Variants in TIE1 observed in about 807,000 individuals in gnomAD.
The protein encoded by TIE1 is tyrosine kinase with immunoglobulin like and EGF like domains 1, also known as tyrosine-protein kinase receptor Tie-1.
Under a neutral mutation model 130.5 loss-of-function variants are expected in TIE1, and 89 were observed. The ratio of observed to expected loss-of-function variants is 0.68; its 90% CI spans 0.57 to 0.81. TIE1 has a LOEUF of 0.81. TIE1 is among the 40% of genes least tolerant of loss of function. The probability of loss-of-function intolerance (pLI) is 0.00; values close to 1 mark genes in which losing one functional copy is unlikely to be tolerated. For synonymous variants in TIE1, 568 were observed against 629.4 expected, an observed-to-expected ratio of 0.90 and a Z score of 1.46; for missense variants, 1,392 against 1,559.8, an observed-to-expected ratio of 0.89 and a Z score of 1.81.
chr1:43,319,757 G>C lies in TIE1; in HGVS notation c.3107+228G>C. 1 of 568,788 alleles carries C rather than the reference G, an allele frequency of 1.8e-6. No homozygotes were observed. Among genetic ancestry groups the C allele is most frequent in the Non-Finnish European group, 3.2e-6 (1 of 316,328 alleles). 35.2% of individuals were successfully genotyped at this position (568,788 alleles called of 1,614,324 possible). On this transcript the variant is annotated intron_variant, in intron 19 of 22. Coordinates refer to ENST00000372476, the MANE Select transcript of TIE1 (RefSeq NM_005424.5). The surrounding 1 kb of genome is among the most constrained non-coding windows in gnomAD (Gnocchi z 4.7). ...TAGGACTGGGGTAAAGGTAGTTTCG[G>C]ATTATGTTTGTGTAAGTGACGGGGG...
Position 43,313,723 on chromosome 1 carries a change from CT to C in TIE1, c.2219-54del, listed in dbSNP as rs765013461. On this transcript the variant is annotated intron_variant, in intron 13 of 22. Coordinates refer to ENST00000372476, the MANE Select transcript of TIE1 (RefSeq NM_005424.5). This position sits in a 1 kb window ranked among gnomAD's most constrained non-coding sequence, Gnocchi z 6.2. Reference sequence around the variant, plus strand: ...TCCCTCTGTGTAACCCCATGGTGGCCTCTGGGTTCCCTGACCCAGGTGTCCC... The same window carrying C: ...TCCCTCTGTGTAACCCCATGGTGGCCCTGGGTTCCCTGACCCAGGTGTCCC... 4.2e-5 allele frequency: 64 copies of C among 1,540,726 alleles called. No individual in the cohort carries two copies. Among genetic ancestry groups the C allele is most frequent in the Non-Finnish European group, 5.6e-5 (64 of 1,139,752 alleles).
Position 43,307,746 on chromosome 1 carries a change from T to C in TIE1, c.914-50T>C. The C allele has an allele frequency of 1.9e-6, 3 of 1,610,544 alleles. No homozygotes were observed. The highest frequency in any genetic ancestry group is 2.5e-6 in the Non-Finnish European group (3 of 1,177,400). On this transcript the variant is annotated intron_variant, in intron 6 of 22. Coordinates refer to ENST00000372476, the MANE Select transcript of TIE1 (RefSeq NM_005424.5). The surrounding 1 kb of genome is among the most constrained non-coding windows in gnomAD (Gnocchi z 5.4). ...CCCATCTGCGCCCTCATCTGTGCCCTCATTGCCCCCTGTCCCATGCCCCTC... is the reference window on the plus strand; with the variant it reads ...CCCATCTGCGCCCTCATCTGTGCCCCCATTGCCCCCTGTCCCATGCCCCTC...
rs1218585735 is a variant in TIE1 at position 43,316,917 on chromosome 1, T to C, written c.2410-282T>C. ...TTACCCACAAGCCCTGGTTCTGCCT[T>C]CCAGAGTCCCGTACACTAGATCCCC... On this transcript the variant is annotated intron_variant, in intron 14 of 22. Transcript: ENST00000372476. The surrounding 1 kb of genome is among the most constrained non-coding windows in gnomAD (Gnocchi z 4.4). 6.6e-6 allele frequency among the ~76,000 whole-genome samples: 1 copy of C among 152,222 alleles called. No individual in the cohort carries two copies. The highest frequency in any genetic ancestry group is 1.5e-5 in the Non-Finnish European group (1 of 68,040).
chr1:43,313,400 A>G lies in TIE1; in HGVS notation c.2193A>G (p.Thr731=). The stretch of plus-strand genomic sequence containing the variant: ...AGGGGCTCGGGGACTGGAGCAACAC[A>G]GTAGAAGAGTCCACCCTGGGCAACG... ...SIQGLGDWSN[T]VEESTLGNGL... is the part of the protein sequence containing the mutation. The change falls in exon 13 of 23, where the codon ACA becomes ACG. Residue 731 remains threonine, a synonymous_variant. Coordinates refer to ENST00000372476, the MANE Select transcript of TIE1 (RefSeq NM_005424.5). This position sits in a 1 kb window ranked among gnomAD's most constrained non-coding sequence, Gnocchi z 6.2. The G allele has an allele frequency of 1.2e-6, 2 of 1,613,948 alleles. No individual in the cohort carries two copies. The highest frequency in any genetic ancestry group is 2.7e-5 in the African/African-American group (2 of 75,000).
rs748363135 is a variant in TIE1 at position 43,317,712 on chromosome 1, C to T, written c.2731+38C>T. On this transcript the variant is annotated intron_variant, in intron 16 of 22. Coordinates refer to ENST00000372476, the MANE Select transcript of TIE1 (RefSeq NM_005424.5). The surrounding 1 kb of genome is among the most constrained non-coding windows in gnomAD (Gnocchi z 5.1). ...CTCATCACCTACCCCTTCTTCCAAA[C>T]CCCCATCCTCAGCCATCACCTCCAC... 46 of 1,531,930 alleles carry T rather than the reference C, an allele frequency of 3.0e-5. No homozygotes were observed. Among genetic ancestry groups the T allele is most frequent in the African/African-American group, 8.2e-5 (6 of 72,792 alleles). The allele number at this position is 1,531,930 out of a possible 1,614,324, so 94.9% of individuals were successfully genotyped here.
chr1:43,321,353 C>T, intron 20 of TIE1, 43 bp from the exon 21 acceptor site: 1 of 1,613,552 alleles, frequency 6.2e-7, no homozygotes, highest in Non-Finnish European at 8.5e-7. Flanking sequence ...CACCTTACCC[C>T]ACGTGGAGCC....
chr1:43,304,640 C>T (rs988423794), intron 1 of TIE1, among the ~76,000 whole-genome samples: 13 of 151,244 alleles, frequency 8.6e-5, no homozygotes, highest in Non-Finnish European at 1.2e-4. Flanking sequence ...GGCCAGTGCG[C>T]ATGGAAGGGG....
chr1:43,307,345 G>A lies in TIE1; in HGVS notation c.772+72G>A. 6.2e-7 allele frequency: 1 copy of A among 1,611,782 alleles called. No homozygotes were observed. Among genetic ancestry groups the A allele is most frequent in the Non-Finnish European group, 8.5e-7 (1 of 1,178,444 alleles). The stretch of plus-strand genomic sequence containing the variant: ...TGGGAGAAGACCCTAGAACCATGTG[G>A]GTGGAGCTTGGAGGGTAAGGGCGAC... On this transcript the variant is annotated intron_variant, in intron 5 of 22. Transcript: ENST00000372476. The surrounding 1 kb of genome is among the most constrained non-coding windows in gnomAD (Gnocchi z 5.4).
In TIE1 at chr1:43,313,344, C is replaced by T. The variant is rs780808450; in HGVS notation, c.2137C>T (p.Arg713Cys). 109 of 1,613,936 alleles carry T rather than the reference C, an allele frequency of 6.8e-5. No homozygotes were observed. The highest frequency in any genetic ancestry group is 1.2e-4 in the Admixed American group (7 of 59,998). Residue 713 changes from arginine (R) to cysteine (C), a missense_variant, in exon 13 of 23, where the codon CGC becomes TGC. Transcript: ENST00000372476. This position sits in a 1 kb window ranked among gnomAD's most constrained non-coding sequence, Gnocchi z 6.2. ...TIIRGLNASTRYLFRMRASIQ... is the reference protein window; with the variant it reads ...TIIRGLNASTCYLFRMRASIQ... Reference sequence around the variant, plus strand: ...CATCCGTGGCCTCAACGCCAGCACGCGCTACCTCTTCCGCATGCGGGCCAG... The same window carrying T: ...CATCCGTGGCCTCAACGCCAGCACGTGCTACCTCTTCCGCATGCGGGCCAG...
At chr1:43,304,819 C>T (rs147547309) in intron 1 of TIE1, 32 bp from the exon 2 acceptor site, 16 of 1,399,360 alleles carry the variant, frequency 1.1e-5, no homozygotes, top group Non-Finnish European at 1.5e-5. Context: ...TTGGCTGGGA[C>T]TACAATAGAG....
rs372583997 is a variant in TIE1, at chr1:43,313,149, C to G, written c.1942C>G (p.Arg648Gly). 6.4e-5 allele frequency: 103 copies of G among 1,604,900 alleles called. No individual in the cohort carries two copies. Among genetic ancestry groups the G allele is most frequent in the Non-Finnish European group, 8.2e-5 (97 of 1,175,988 alleles). Residue 648 changes from arginine to glycine, a missense_variant, in exon 13 of 23, where the codon CGA becomes GGA. Transcript: ENST00000372476. This position sits in a 1 kb window ranked among gnomAD's most constrained non-coding sequence, Gnocchi z 6.2. The stretch of plus-strand genomic sequence containing the variant: ...CATCTCCCCAGGGCCTCCAGCCCCC[C>G]GACACCTCCACGCCCAGGCCCTCTC... ...LLPPSGPPAPRHLHAQALSDS... is the reference protein window; with the variant it reads ...LLPPSGPPAPGHLHAQALSDS...
intron 1 of TIE1, among the ~76,000 whole-genome samples, chr1:43,303,535 G>C (rs1339837572): frequency 6.6e-6 from 1 of 152,142 alleles, no homozygotes; most frequent in Non-Finnish European, 1.5e-5. Flanking sequence ...TGAACTGCTT[G>C]ACAGTCAGCT....
Position 43,307,493 on chromosome 1 carries a change from C to T in TIE1, c.834C>T (p.Cys278=), listed in dbSNP as rs781150457. Reference sequence around the variant, plus strand: ...AGCAGTGCCCAGGCATATCAGGCTGCCGGGGCCTCACCTTCTGCCTCCCAG... The same window carrying T: ...AGCAGTGCCCAGGCATATCAGGCTGTCGGGGCCTCACCTTCTGCCTCCCAG... ...CQEQCPGISG[C]RGLTFCLPDP... Residue 278 remains cysteine (C), a synonymous_variant, in exon 6 of 23, where the codon TGC becomes TGT. Coordinates refer to ENST00000372476, the MANE Select transcript of TIE1 (RefSeq NM_005424.5). The surrounding 1 kb of genome is among the most constrained non-coding windows in gnomAD (Gnocchi z 5.4). 1.9e-6 allele frequency: 3 copies of T among 1,614,184 alleles called. No homozygotes were observed. The highest frequency in any genetic ancestry group is 1.1e-5 in the South Asian group (1 of 91,090).
rs573516625 is a variant in TIE1, at chr1:43,304,877, G to T, written c.85G>T (p.Ala29Ser). ...CGCGGCGGTGGACCTGACGCTGCTG[G>T]CCAACCTGCGGCTCACGGACCCCCA... ...VGAAVDLTLL[A>S]NLRLTDPQRF... The change falls in exon 2 of 23, where the codon GCC becomes TCC. Residue 29 changes from alanine to serine, a missense_variant. Around this residue, in one of 6 missense-constraint regions of TIE1, gnomAD observed 415 missense variants for 424.8 expected, o/e 0.98. Transcript: ENST00000372476. The T allele has an allele frequency of 1.4e-6, 2 of 1,422,926 alleles. No homozygotes were observed. Among genetic ancestry groups the T allele is most frequent in the South Asian group, 1.5e-5 (1 of 66,280 alleles). The allele number at this position is 1,422,926 out of a possible 1,614,324, so 88.1% of individuals were successfully genotyped here.
rs796589115 is a variant in TIE1, at chr1:43,312,665, G to A, written c.1927+64G>A. On this transcript the variant is annotated intron_variant, in intron 12 of 22. Transcript: ENST00000372476. This position sits in a 1 kb window ranked among gnomAD's most constrained non-coding sequence, Gnocchi z 5.6. ...GGACGTGGGACACAGGGACACATGA[G>A]ACCTAGGAGACACGGGAGGCTGTAG... The A allele has an allele frequency of 1.3e-5, 20 of 1,519,730 alleles. No individual in the cohort carries two copies. The African/African-American group carries it at 2.6e-4, about 20-fold the overall frequency. The allele number at this position is 1,519,730 out of a possible 1,614,324, so 94.1% of individuals were successfully genotyped here.
At position 43,313,918 on chromosome 1, in the gene TIE1, C is replaced by T. The variant is rs1402366708; in HGVS notation, c.2359C>T (p.Arg787Cys). The change falls in exon 14 of 23, where the codon CGC becomes TGC. Residue 787 changes from arginine (R) to cysteine (C), a missense_variant. By Grantham distance (180) the Arg-to-Cys change is radical. This residue lies in a region of TIE1 where 286 missense variants were observed against 354.4 expected (regional missense o/e 0.81). Transcript: ENST00000372476. The surrounding 1 kb of genome is among the most constrained non-coding windows in gnomAD (Gnocchi z 6.2). ...TGCCCTTTTAACCCTGGTGTGCATC[C>T]GCAGAAGCTGCCTGCATCGGAGACG... is the stretch of plus-strand genomic sequence containing the variant. ...LAALLTLVCI[R>C]RSCLHRRRTF... The T allele has an allele frequency of 9.9e-6, 16 of 1,614,010 alleles. No individual in the cohort carries two copies. Among genetic ancestry groups the T allele is most frequent in the African/African-American group, 2.7e-5 (2 of 74,916 alleles).
At chr1:43,301,709 A>G (rs966859742) in intron 1 of TIE1, among the ~76,000 whole-genome samples, 12 of 152,070 alleles carry the variant, frequency 7.9e-5, no homozygotes, top group Admixed American at 1.3e-4. Context: ...TCTCTACTAA[A>G]AATACAAAAA....
In TIE1 at chr1:43,319,418, C is replaced by T. The variant is rs144542170; in HGVS notation, c.3037-41C>T. On this transcript the variant is annotated intron_variant, in intron 18 of 22. Transcript: ENST00000372476. This position sits in a 1 kb window ranked among gnomAD's most constrained non-coding sequence, Gnocchi z 4.7. ...TGCCCCACAGGAGCCTCAAACAGGC[C>T]CTTCCTCCACACTCAGCCCCTCAAA... 5.2e-4 allele frequency: 841 copies of T among 1,613,112 alleles called. 6 individuals are homozygous for T. Among genetic ancestry groups the T allele is most frequent in the South Asian group, 4.3e-3 (394 of 91,036 alleles).
chr1:43,309,568 T>G lies in TIE1; in HGVS notation c.1333+36T>G, dbSNP rs1444710545. 6.5e-7 allele frequency: 1 copy of G among 1,544,366 alleles called. No individual in the cohort carries two copies. The highest frequency in any genetic ancestry group is 1.4e-5 in the African/African-American group (1 of 72,670). On this transcript the variant is annotated intron_variant, in intron 9 of 22. Coordinates refer to ENST00000372476, the MANE Select transcript of TIE1 (RefSeq NM_005424.5). This position sits in a 1 kb window ranked among gnomAD's most constrained non-coding sequence, Gnocchi z 6.3. Reference sequence around the variant, plus strand: ...TCCTAGGTCCACAGGGAATGGACGGTGAGCAGAGTAGGCTCTAGATGATGC... The same window carrying G: ...TCCTAGGTCCACAGGGAATGGACGGGGAGCAGAGTAGGCTCTAGATGATGC...
Sources: gnomAD v4.1 joint callset for allele counts (sites outside exome capture counted in the v4.1 genomes callset) on GRCh38, gnomAD v4.1.1 for gene constraint, gnomAD v4.1.1 regional missense constraint, Gnocchi (gnomAD v3.1) non-coding constraint, MANE v1.5 for transcripts, NCBI Gene and HGNC (gene_info 2026-07-23, HGNC 2026-07-21) for gene names.